The following ABCC6 variants were observed in gnomAD, a reference collection of about 807,000 sequenced individuals.
ABCC6 encodes the protein ATP-binding cassette sub-family C member 6.
In ABCC6, 126 loss-of-function variants were observed where a neutral mutation model predicts 169.5. The ratio of observed to expected loss-of-function variants is 0.74; its 90% CI spans 0.64 to 0.86. The LOEUF (loss-of-function observed/expected upper bound fraction) is 0.86. ABCC6 is among the 40% of genes least tolerant of loss of function. The probability of loss-of-function intolerance (pLI) is 0.00; values close to 1 mark genes in which losing one functional copy is unlikely to be tolerated. For missense variants in ABCC6, 1,733 were observed against 1,927.2 expected, an observed-to-expected ratio of 0.90 and a Z score of 1.89; for synonymous variants, 752 against 814.7, an observed-to-expected ratio of 0.92 and a Z score of 1.31.
intron 29 of ABCC6, among the ~76,000 whole-genome samples, chr16:16,152,489 C>A (rs942096879): frequency 6.6e-6 from 1 of 152,008 alleles, no homozygotes; most frequent in Admixed American, 6.6e-5. Context: ...GTCAGGCAAG[C>A]CCCAGGCCTC....
At chr16:16,185,413 A>G (rs2047620617) in intron 14 of ABCC6, among the ~76,000 whole-genome samples, 1 of 152,264 alleles carries the variant, frequency 6.6e-6, no homozygotes, top group Non-Finnish European at 1.5e-5. Flanking sequence ...CAATCTGGTC[A>G]TTTATGGAAA....
In ABCC6 at chr16:16,165,840, C is replaced by G. The variant is rs374451029; in HGVS notation, c.3089G>C (p.Arg1030Pro). Residue 1030 changes from arginine to proline, a missense_variant, in exon 23 of 31, where the codon CGA becomes CCA. By Grantham distance (103) the Arg-to-Pro change is moderately radical. This residue lies in a region of ABCC6 where 1,601 missense variants were observed against 1,635.5 expected (regional missense o/e 0.98). Transcript: ENST00000205557. Reference sequence around the variant, plus strand: ...CCGCTCAAAGAAGCTGATGGGAGATCGCACCACATCCCACAGGAGCCTCTG... The same window carrying G: ...CCGCTCAAAGAAGCTGATGGGAGATGGCACCACATCCCACAGGAGCCTCTG... ...LFQRLLWDVVRSPISFFERTP... is the reference protein window; with the variant it reads ...LFQRLLWDVVPSPISFFERTP... The G allele has an allele frequency of 2.5e-6, 4 of 1,613,264 alleles. No homozygotes were observed. The highest frequency in any genetic ancestry group is 2.7e-5 in the African/African-American group (2 of 74,914).
intron 17 of ABCC6, among the ~76,000 whole-genome samples, chr16:16,180,548 AAT>A (rs2047433860): frequency 6.6e-6 from 1 of 152,114 alleles, no homozygotes; most frequent in Non-Finnish European, 1.5e-5. Flanking sequence ...GCTGGAGTGC[AAT>A]GGCTTGATCT....
intron 21 of ABCC6, among the ~76,000 whole-genome samples, chr16:16,170,898 G>A (rs1275032802): frequency 3.3e-5 from 4 of 120,990 alleles, no homozygotes; most frequent in Admixed American, 1.1e-4. Context: ...TTCTCTGGGC[G>A]ACAAGAGTGA....
intron 5 of ABCC6, among the ~76,000 whole-genome samples, chr16:16,212,617 T>C (rs2048676139): frequency 6.6e-6 from 1 of 151,218 alleles, no homozygotes. Context: ...GCCCTGACGG[T>C]GTATTTAGTA....
chr16:16,200,101 A>G (rs1009467897), intron 9 of ABCC6, among the ~76,000 whole-genome samples: 2 of 150,936 alleles, frequency 1.3e-5, no homozygotes, highest in African/African-American at 4.9e-5. Flanking sequence ...TATTTCTAAA[A>G]CTCATGCTTT....
At chr16:16,174,550 A>G in intron 20 of ABCC6, among the ~76,000 whole-genome samples, 1 of 152,034 alleles carries the variant, frequency 6.6e-6, no homozygotes, top group Non-Finnish European at 1.5e-5. Flanking sequence ...TGAAGTCAGG[A>G]GTTTGAGACC....
intron 13 of ABCC6, among the ~76,000 whole-genome samples, chr16:16,188,453 G>A (rs1022327074): frequency 3.3e-5 from 5 of 152,078 alleles, no homozygotes; most frequent in Non-Finnish European, 5.9e-5. Context: ...GTATGCCGCC[G>A]TTTCTTGTTT....
intron 27 of ABCC6, 194 bp from the exon 28 acceptor site, chr16:16,155,225 C>G (rs1425410677): frequency 4.6e-6 from 3 of 657,176 alleles, no homozygotes; most frequent in Non-Finnish European, 7.8e-6. Flanking sequence ...CATCTGTGTT[C>G]TTCTCTATCT....
At chr16:16,177,215 C>T (rs1204026724) in intron 19 of ABCC6, among the ~76,000 whole-genome samples, 1 of 152,214 alleles carries the variant, frequency 6.6e-6, no homozygotes, top group Admixed American at 6.5e-5. Flanking sequence ...GTGTGAGAAT[C>T]AAATGAAATA....
At position 16,221,687 on chromosome 16, in the gene ABCC6, C is replaced by T. The variant is rs745506209; in HGVS notation, c.181G>A (p.Gly61Ser). 12 of 1,613,726 alleles carry T rather than the reference C, an allele frequency of 7.4e-6. No homozygotes were observed. Among genetic ancestry groups the T allele is most frequent in the Middle Eastern group, 1.6e-4 (1 of 6,078 alleles). ...AAGAGTGGGGACATCCGGAGGTAGCCCCGGCCATGGTGGTGGATGAAGAGG... is the reference window on the plus strand; with the variant it reads ...AAGAGTGGGGACATCCGGAGGTAGCTCCGGCCATGGTGGTGGATGAAGAGG... ...YLLFIHHHGR[G>S]YLRMSPLFKA... is the part of the protein sequence containing the mutation. The change falls in exon 2 of 31, where the codon GGC becomes AGC. Residue 61 changes from glycine to serine, a missense_variant. Physicochemically the swap from Gly to Ser is moderately conservative, Grantham distance 56. Around this residue, in one of 5 missense-constraint regions of ABCC6, gnomAD observed 66 missense variants for 69.5 expected, o/e 0.95. Transcript: ENST00000205557.
intron 10 of ABCC6, among the ~76,000 whole-genome samples, chr16:16,194,057 T>TG (rs1377182224): frequency 6.6e-6 from 1 of 152,186 alleles, no homozygotes; most frequent in Admixed American, 6.5e-5. Context: ...CGAGTGGGAC[T>TG]GGGGGGTGTT....
At chr16:16,187,907 T>TTAAA (rs200447479) in intron 13 of ABCC6, among the ~76,000 whole-genome samples, 2,377 of 86,206 alleles carry the variant, frequency 0.028, 28 homozygotes, top group African/African-American at 0.043. Context: ...AATAAATAAA[T>TTAAA]TAAATAAATA....
chr16:16,171,105 C>G (rs940349452), intron 21 of ABCC6, among the ~76,000 whole-genome samples: 1 of 151,974 alleles, frequency 6.6e-6, no homozygotes, highest in Non-Finnish European at 1.5e-5. Context: ...CGCTCTTTCT[C>G]CTGCCCTTTG....
intron 18 of ABCC6, among the ~76,000 whole-genome samples, chr16:16,178,337 GAA>G (rs1360455662): frequency 6.6e-6 from 1 of 150,422 alleles, no homozygotes; most frequent in African/African-American, 2.4e-5. Context: ...AAAAAAAAAA[GAA>G]AAAGAAAAAA....
chr16:16,176,104 C>T (rs1405830787), intron 19 of ABCC6, 118 bp from the exon 20 acceptor site: 5 of 961,036 alleles, frequency 5.2e-6, no homozygotes, highest in Non-Finnish European at 5.0e-6. Context: ...GCTCCTGCCA[C>T]GTCTCCAGCA....
At chr16:16,206,550 TC>T in intron 7 of ABCC6, among the ~76,000 whole-genome samples, 1 of 151,600 alleles carries the variant, frequency 6.6e-6, no homozygotes, top group African/African-American at 2.4e-5. Context: ...CCCTCTCCCT[TC>T]CCCCAGTGGT....
chr16:16,195,621 T>C (rs898818216), intron 10 of ABCC6, among the ~76,000 whole-genome samples: 1 of 151,982 alleles, frequency 6.6e-6, no homozygotes, highest in South Asian at 2.1e-4. Context: ...CCTGGTCTCA[T>C]CTGATTTTTA....
intron 29 of ABCC6, among the ~76,000 whole-genome samples, 153 bp from the exon 30 acceptor site, chr16:16,150,925 A>G (rs546020513): frequency 1.2e-4 from 19 of 152,232 alleles, no homozygotes; most frequent in Non-Finnish European, 1.8e-4. Flanking sequence ...TGTGGTCTGC[A>G]GAACTGATAG....
Sources: allele counts gnomAD v4.1 joint callset (sites outside exome capture counted in the v4.1 genomes callset), GRCh38; gene constraint gnomAD v4.1.1; regional missense constraint gnomAD v4.1.1; transcripts MANE v1.5; gene names NCBI Gene and HGNC (gene_info 2026-07-23, HGNC 2026-07-21).